Variants in LPXN observed in about 807,000 individuals in gnomAD.
LPXN encodes the protein leupaxin.
LPXN carries 28 observed loss-of-function variants against 45.6 expected under a neutral mutation model. The ratio of observed to expected loss-of-function variants is 0.61; its 90% CI spans 0.45 to 0.84. The LOEUF is 0.84. Among genes scored for constraint, LPXN ranks in the 40% least tolerant of loss-of-function variants. LPXN has a pLI of 0.00. For missense variants in LPXN, 459 were observed against 475.0 expected (o/e 0.97, Z 0.31); for synonymous variants, 166 against 169.9 (o/e 0.98, Z 0.18).
intron 2 of LPXN, among the ~76,000 whole-genome samples, chr11:58,569,106 T>C (rs1375204007): frequency 2.0e-5 from 3 of 152,200 alleles, no homozygotes; most frequent in Non-Finnish European, 2.9e-5. Context: ...AAAAGAACAG[T>C]TAGGGCGTAA....
At chr11:58,571,911 C>CCT (rs1272257749) in intron 1 of LPXN, among the ~76,000 whole-genome samples, 21 of 152,084 alleles carry the variant, frequency 1.4e-4, no homozygotes, top group Non-Finnish European at 2.1e-4. Context: ...CTATCTGATC[C>CCT]CTAGCCCCTG....
intron 1 of LPXN, among the ~76,000 whole-genome samples, chr11:58,573,072 C>A (rs544122973): frequency 1.3e-5 from 2 of 151,842 alleles, no homozygotes; most frequent in African/African-American, 2.4e-5. Context: ...ATGGAGAAAA[C>A]CCGTCTCTAC....
intron 7 of LPXN, among the ~76,000 whole-genome samples, chr11:58,541,738 C>T (rs1853729680): frequency 6.6e-6 from 1 of 150,914 alleles, no homozygotes. Flanking sequence ...GACACATGCA[C>T]ACGTATGTTT....
upstream of LPXN, chr11:58,575,940 CTT>C (rs753299345): frequency 1.2e-3 from 1,374 of 1,180,368 alleles, no homozygotes; most frequent in South Asian, 2.7e-3. Context: ...ATTTGGTGAG[CTT>C]TTTTTTTTTT....
chr11:58,549,429 C>CA (rs1853973250), intron 7 of LPXN, among the ~76,000 whole-genome samples: 1 of 151,914 alleles, frequency 6.6e-6, no homozygotes, highest in South Asian at 2.1e-4. Flanking sequence ...ACAACAACAA[C>CA]AAAAAATAAG....
At chr11:58,540,670 C>T (rs1215099367) in intron 7 of LPXN, among the ~76,000 whole-genome samples, 1 of 152,104 alleles carries the variant, frequency 6.6e-6, no homozygotes, top group Non-Finnish European at 1.5e-5. Context: ...ATAATAAAAA[C>T]ATTTAAAAAG....
At position 58,528,121 on chromosome 11, in the gene LPXN, A is replaced by G. The variant is rs778806468; in HGVS notation, c.813T>C (p.Gly271=). The G allele has an allele frequency of 1.2e-6, 2 of 1,614,216 alleles. No homozygotes were observed. The highest frequency in any genetic ancestry group is 4.5e-5 in the East Asian group (2 of 44,876). The part of the protein sequence containing the change: ...DFLAMFSPKC[G]GCNRPVLENY... ...TTTCCAACACTGGGCGATTGCAGCC[A>G]CCACACTTGGGTGAGAACATGGCTA... The change falls in exon 8 of 9, where the codon GGT becomes GGC. Residue 271 remains glycine, a synonymous_variant. Transcript: ENST00000395074.
chr11:58,554,650 C>T (rs932614958), intron 4 of LPXN, 191 bp downstream of exon 4: 5 of 471,320 alleles, frequency 1.1e-5, no homozygotes, highest in Non-Finnish European at 1.9e-5. Flanking sequence ...GTCCAAATAA[C>T]ACATAGTACA....
intron 7 of LPXN, 105 bp downstream of exon 7, chr11:58,549,681 T>C (rs535709289): frequency 2.4e-6 from 2 of 827,882 alleles, no homozygotes; most frequent in Admixed American, 2.1e-5. Context: ...GGCACTTTGA[T>C]AGTACTGATA....
At chr11:58,536,991 C>G (rs2120225316) in intron 7 of LPXN, among the ~76,000 whole-genome samples, 1 of 152,144 alleles carries the variant, frequency 6.6e-6, no homozygotes, top group African/African-American at 2.4e-5. Context: ...GAAAGGCGAT[C>G]ATTAAAAAGT....
rs1056927058 is a variant in LPXN, at chr11:58,527,142, G to A, written c.*312C>T. ...AATGGAGAAACCTAAGAAAACCAGT[G>A]TTGGCATGAATTATGCAAGTGGAAA... is the stretch of plus-strand genomic sequence containing the variant. On this transcript the variant is annotated 3_prime_UTR_variant, in exon 9 of 9. Transcript: ENST00000395074. 5 of 254,842 alleles carry A rather than the reference G, an allele frequency of 2.0e-5. No individual in the cohort carries two copies. The highest frequency in any genetic ancestry group is 3.8e-5 in the Non-Finnish European group (5 of 130,130). 15.8% of individuals were successfully genotyped at this position (254,842 alleles called of 1,614,324 possible).
chr11:58,577,995 C>A (rs772021780), upstream of LPXN: 9 of 1,550,462 alleles, frequency 5.8e-6, no homozygotes, highest in Non-Finnish European at 7.9e-6. Flanking sequence ...CCTCTAGGAG[C>A]TCACAGGTGA....
intron 1 of LPXN, among the ~76,000 whole-genome samples, chr11:58,573,472 A>G (rs1854777437): frequency 6.6e-6 from 1 of 152,180 alleles, no homozygotes; most frequent in Non-Finnish European, 1.5e-5. Context: ...CTCAAAATAA[A>G]AAGCCATTTA....
intron 7 of LPXN, among the ~76,000 whole-genome samples, chr11:58,535,018 C>T (rs1343025164): frequency 1.3e-5 from 2 of 152,098 alleles, no homozygotes; most frequent in Non-Finnish European, 2.9e-5. Context: ...GAAATTGAGG[C>T]AGTAATTAAT....
intron 3 of LPXN, among the ~76,000 whole-genome samples, chr11:58,556,146 T>C (rs1265546301): frequency 1.3e-5 from 2 of 152,066 alleles, no homozygotes; most frequent in Admixed American, 1.3e-4. Context: ...TCAGTTGAAA[T>C]GTGTTTTTTT....
upstream of LPXN, among the ~76,000 whole-genome samples, chr11:58,578,885 G>A (rs1462196217): frequency 3.3e-5 from 5 of 151,148 alleles, no homozygotes; most frequent in Non-Finnish European, 7.4e-5. Flanking sequence ...AGACACAGCC[G>A]TTTAACGGTG....
intron 7 of LPXN, among the ~76,000 whole-genome samples, chr11:58,543,689 CT>C (rs150715261): frequency 0.03 from 4,548 of 152,138 alleles, 226 homozygotes; most frequent in African/African-American, 0.1. Flanking sequence ...AATGTTATAC[CT>C]CTAACTTAAA....
At chr11:58,562,735 A>G (rs1468006342) in intron 3 of LPXN, among the ~76,000 whole-genome samples, 1 of 152,244 alleles carries the variant, frequency 6.6e-6, no homozygotes, top group African/African-American at 2.4e-5. Context: ...AAACCACAGC[A>G]GACCTGTTGT....
At chr11:58,570,484 G>T in intron 2 of LPXN, 72 bp downstream of exon 2, 2 of 1,128,608 alleles carry the variant, frequency 1.8e-6, no homozygotes, top group South Asian at 1.7e-5. Flanking sequence ...ATTATTTTAT[G>T]TGGGATTCTG....
Sources: gnomAD v4.1 joint callset for allele counts (sites outside exome capture counted in the v4.1 genomes callset) on GRCh38, gnomAD v4.1.1 for gene constraint, MANE v1.5 for transcripts, NCBI Gene and HGNC (gene_info 2026-07-23, HGNC 2026-07-21) for gene names.